MYO1A: variants seen among roughly 807,000 people sequenced by gnomAD.
MYO1A encodes unconventional myosin-Ia.
In MYO1A, 127 loss-of-function variants were observed where a neutral mutation model predicts 138.5. That is an observed-to-expected ratio of 0.92 (90% confidence interval 0.79 to 1.06). The LOEUF (loss-of-function observed/expected upper bound fraction) is 1.06, where lower values mean the gene tolerates loss of function less well. Ranked by LOEUF, MYO1A falls within the 50% of genes least tolerant of loss-of-function variation. The pLI is 0.00. For synonymous variants in MYO1A, 477 were observed against 497.5 expected, an observed-to-expected ratio of 0.96 and a Z score of 0.55; for missense variants, 1,211 against 1,288.8, an observed-to-expected ratio of 0.94 and a Z score of 0.92.
intron 26 of MYO1A, 23 bp from the exon 27 acceptor site, chr12:57,029,282 A>C (rs2030139465): frequency 5.0e-6 from 8 of 1,613,872 alleles, no homozygotes; most frequent in East Asian, 2.2e-5. Context: ...GAAAAATAGC[A>C]GGAAAGGGAT....
chr12:57,047,184 T>C, intron 5 of MYO1A, 77 bp from the exon 6 acceptor site: 2 of 1,596,048 alleles, frequency 1.3e-6, no homozygotes, highest in Non-Finnish European at 1.7e-6. Context: ...CATGACAATC[T>C]CAGATTTTTC....
Position 57,037,948 on chromosome 12 carries a change from G to T in MYO1A, c.1882C>A (p.Arg628Ser). 1.9e-6 allele frequency: 3 copies of T among 1,614,158 alleles called. No individual in the cohort carries two copies. The highest frequency in any genetic ancestry group is 2.5e-6 in the Non-Finnish European group (3 of 1,180,020). ...TCCAGGAAGGGCCCATAACCCTGGC[G>T]GTGGGCATAGCCTGCCCGTCGCACC... ...VRVRRAGYAH[R>S]QGYGPFLERY... Residue 628 changes from arginine to serine, a missense_variant, in exon 18 of 28, where the codon CGC becomes AGC. Coordinates refer to ENST00000300119, the MANE Select transcript of MYO1A (RefSeq NM_005379.4).
intron 17 of MYO1A, 72 bp downstream of exon 17, chr12:57,038,340 T>C: frequency 6.6e-7 from 1 of 1,508,100 alleles, no homozygotes. Context: ...CACATGGACG[T>C]GTTCTACAGC....
chr12:57,047,107 G>A lies in MYO1A; in HGVS notation c.431C>T (p.Ala144Val). ...QLLQSNPVLE[A>V]FGNAKTIRNN... ...GCGAATGGTCTTGGCATTGCCAAAA[G>A]CTACAGAGATGAGGAGGGGAGAAGT... The change falls in exon 6 of 28, where the codon GCT (alanine) becomes GTT (valine). Residue 144 changes from alanine (A) to valine (V), a missense_variant and splice_region_variant. By Grantham distance (64) the Ala-to-Val change is moderately conservative (BLOSUM62 0). Transcript: ENST00000300119. 1 of 1,614,118 alleles carries A rather than the reference G, an allele frequency of 6.2e-7. No individual in the cohort carries two copies. The highest frequency in any genetic ancestry group is 8.5e-7 in the Non-Finnish European group (1 of 1,180,000).
In MYO1A at chr12:57,028,751, CT is replaced by C; in HGVS notation, c.*3del. The C allele has an allele frequency of 6.2e-7, 1 of 1,614,022 alleles. No homozygotes were observed. Among genetic ancestry groups the C allele is most frequent in the Non-Finnish European group, 8.5e-7 (1 of 1,179,934 alleles). ...AACTGCCATCTCTGCATGGTGCCCCCTCCTCACTGCACAGTCACCTCCAAGC... is the reference window on the plus strand; with the variant it reads ...AACTGCCATCTCTGCATGGTGCCCCCCCTCACTGCACAGTCACCTCCAAGC... On this transcript the variant is annotated 3_prime_UTR_variant, in exon 28 of 28. Transcript: ENST00000300119.
At position 57,039,018 on chromosome 12, in the gene MYO1A, G is replaced by C; in HGVS notation, c.1333-9C>G. 6.2e-7 allele frequency: 1 copy of C among 1,611,768 alleles called. No individual in the cohort carries two copies. Among genetic ancestry groups the C allele is most frequent in the African/African-American group, 1.3e-5 (1 of 74,980 alleles). ...AGGATACCTCGCTGATTCTGGGCCG[G>C]GGGAACAAAAGAAGCCCAACCTAAA... is the stretch of plus-strand genomic sequence containing the variant. On this transcript the variant is annotated splice_polypyrimidine_tract_variant and intron_variant, in intron 15 of 27. Transcript: ENST00000300119.
rs367616782 is a variant in MYO1A at position 57,047,422 on chromosome 12, C to T, written c.326-15G>A. On this transcript the variant is annotated splice_polypyrimidine_tract_variant and intron_variant, in intron 4 of 27. Transcript: ENST00000300119. ...CTTGCTGGCCTCTGTGCAGGCAAAA[C>T]GCTCTCATGGGTCCCCACCCAGGAC... is the stretch of plus-strand genomic sequence containing the variant. 263 of 1,612,556 alleles carry T rather than the reference C, an allele frequency of 1.6e-4. No individual in the cohort carries two copies. The highest frequency in any genetic ancestry group is 2.0e-4 in the Non-Finnish European group (231 of 1,178,674).
chr12:57,036,694 C>T (rs1346571212), intron 21 of MYO1A, 78 bp downstream of exon 21: 1 of 1,540,730 alleles, frequency 6.5e-7, no homozygotes, highest in Non-Finnish European at 9.0e-7. Flanking sequence ...GCAGGACTAG[C>T]TCTCTGCTGC....
chr12:57,036,160 A>T, intron 22 of MYO1A, 147 bp downstream of exon 22: 1 of 804,970 alleles, frequency 1.2e-6, no homozygotes, highest in East Asian at 2.6e-5. Context: ...CCCTGCAGGT[A>T]GCTGCCCTCT....
intron 22 of MYO1A, among the ~76,000 whole-genome samples, chr12:57,032,178 A>G (rs996331924): frequency 2.0e-5 from 3 of 151,908 alleles, no homozygotes; most frequent in African/African-American, 7.3e-5. Flanking sequence ...ATTTGCCTAC[A>G]CTCGTCTTTG....
rs764894790 is a variant in MYO1A at position 57,041,502 on chromosome 12, AGAG to A, written c.1099-8_1099-6del. ...CTTCTTTTCCCCGATGCCCACCTGAAGAGGAGAGAAAGATAAATCTGAGGACAG... is the reference window on the plus strand; with the variant it reads ...CTTCTTTTCCCCGATGCCCACCTGAAGAGAGAAAGATAAATCTGAGGACAG... On this transcript the variant is annotated splice_region_variant and splice_polypyrimidine_tract_variant and intron_variant, in intron 12 of 27. Transcript: ENST00000300119. 7.9e-5 allele frequency: 128 copies of A among 1,611,338 alleles called. No homozygotes were observed. Among genetic ancestry groups the A allele is most frequent in the Non-Finnish European group, 1.0e-4 (122 of 1,177,558 alleles).
rs371875751 is a variant in MYO1A at position 57,043,267 on chromosome 12, C to T, written c.984G>A (p.Lys328=). The T allele has an allele frequency of 1.2e-5, 19 of 1,614,178 alleles. No homozygotes were observed. In the South Asian group the frequency reaches 1.8e-4, roughly 15 times the overall value. ...CSRTMETAKE[K]VVTALNVMQA... ...GCATAACATTCAGTGCAGTGACCAC[C>T]TTTTCCTTGGCTGTTTCCATGGTCC... The change falls in exon 11 of 28, where the codon AAG becomes AAA. Residue 328 remains lysine (K), a synonymous_variant. Transcript: ENST00000300119.
rs1162842553 is a variant in MYO1A, at chr12:57,029,515, T to C, written c.2797A>G (p.Ile933Val). The change falls in exon 26 of 28, where the codon ATT becomes GTT. Residue 933 changes from isoleucine (I) to valine (V), a missense_variant. Coordinates refer to ENST00000300119, the MANE Select transcript of MYO1A (RefSeq NM_005379.4). ...LTDTKKSQAK[I>V]VIGLDNVAGV... ...GCCACATTGTCTAGCCCAATGACAA[T>C]TTTGGCCTGGGACTTCTTGGTGTCT... 1 of 1,614,156 alleles carries C rather than the reference T, an allele frequency of 6.2e-7. No homozygotes were observed. The highest frequency in any genetic ancestry group is 1.3e-5 in the African/African-American group (1 of 75,046).
At chr12:57,036,061 C>T (rs1163150453) in intron 22 of MYO1A, among the ~76,000 whole-genome samples, 1 of 152,192 alleles carries the variant, frequency 6.6e-6, no homozygotes, top group East Asian at 1.9e-4. Flanking sequence ...GTGCTGAGAC[C>T]CCTTCCTGCC....
Position 57,038,419 on chromosome 12 carries a change from A to C in MYO1A, c.1753T>G (p.Tyr585Asp), listed in dbSNP as rs200104968. 1.2e-6 allele frequency: 2 copies of C among 1,614,156 alleles called. No individual in the cohort carries two copies. Among genetic ancestry groups the C allele is most frequent in the East Asian group, 4.5e-5 (2 of 44,884 alleles). The part of the protein sequence containing the change: ...MKNLYSKSPN[Y>D]IRCIKPNEHQ... ...TGCATGCCAGCATGTCACCTGATGT[A>C]GTTGGGGCTCTTGGAATACAGATTC... Residue 585 changes from tyrosine (Y) to aspartate (D), a missense_variant, in exon 17 of 28, where the codon TAC (tyrosine) becomes GAC (aspartate). Coordinates refer to ENST00000300119, the MANE Select transcript of MYO1A (RefSeq NM_005379.4).
rs996622235 is a variant in MYO1A, at chr12:57,038,717, A to G, written c.1534-79T>C. On this transcript the variant is annotated intron_variant, in intron 16 of 27. Transcript: ENST00000300119. ...GGCCCTCCCAGTCTCATTGTGAAGT[A>G]TTCCAGACTCTCACCTTCCCCGGGT... 17 of 1,608,076 alleles carry G rather than the reference A, an allele frequency of 1.1e-5. No individual in the cohort carries two copies. The African/African-American group carries it at 1.7e-4, about 16-fold the overall frequency.
chr12:57,039,957 A>G (rs931100204), intron 14 of MYO1A, among the ~76,000 whole-genome samples: 24 of 152,204 alleles, frequency 1.6e-4, no homozygotes, highest in African/African-American at 5.8e-4. Flanking sequence ...AAAAGCAAGA[A>G]TGGTACAAAA....
In MYO1A at chr12:57,050,080, T is replaced by C. The variant is rs1451673465; in HGVS notation, c.-214A>G. The C allele has an allele frequency of 6.6e-6, 1 of 152,566 alleles. No homozygotes were observed. The highest frequency in any genetic ancestry group is 1.5e-5 in the Non-Finnish European group (1 of 68,346). 9.5% of individuals were successfully genotyped at this position (152,566 alleles called of 1,614,324 possible). On this transcript the variant is annotated 5_prime_UTR_variant, in exon 1 of 28. Transcript: ENST00000300119. ...AGTGTCCACTCTTCTGATTTTCCCT[T>C]TTGCTGCCTCTTCCAGCCCAGGCTC... is the stretch of plus-strand genomic sequence containing the variant.
intron 22 of MYO1A, 70 bp downstream of exon 22, chr12:57,036,237 T>G (rs1007090889): frequency 2.4e-5 from 36 of 1,502,226 alleles, no homozygotes; most frequent in Non-Finnish European, 3.1e-5. Flanking sequence ...TTGCCTCTTC[T>G]CAAACCCCTC....
Sources: allele counts gnomAD v4.1 joint callset (sites outside exome capture counted in the v4.1 genomes callset), GRCh38; gene constraint gnomAD v4.1.1; transcripts MANE v1.5; gene names NCBI Gene and HGNC (gene_info 2026-07-23, HGNC 2026-07-21).